Variants in NEK11 observed in about 807,000 individuals in gnomAD.
NEK11 encodes serine/threonine-protein kinase Nek11.
In NEK11, 72 loss-of-function variants were observed where a neutral mutation model predicts 80.7. The ratio of observed to expected loss-of-function variants is 0.89; its 90% confidence interval spans 0.74 to 1.08. The LOEUF (loss-of-function observed/expected upper bound fraction) is 1.08. NEK11 is among the 50% of genes least tolerant of loss of function. The probability of loss-of-function intolerance (pLI) is 0.00; values close to 1 mark genes in which losing one functional copy is unlikely to be tolerated. For synonymous variants in NEK11, 251 were observed against 260.7 expected (o/e 0.96, Z 0.36); for missense variants, 764 against 763.6 (o/e 1.00, Z -0.01).
intron 7 of NEK11, chr3:131,134,406 A>T (rs2085123767): frequency 6.8e-6 from 1 of 147,632 alleles, no homozygotes; most frequent in Non-Finnish European, 1.5e-5. Flanking sequence ...AGGATAAACT[A>T]TTTTTTTTTT....
At chr3:131,058,265 A>G (rs936059205) in intron 3 of NEK11, among the ~76,000 whole-genome samples, 1 of 152,196 alleles carries the variant, frequency 6.6e-6, no homozygotes, top group Non-Finnish European at 1.5e-5. Flanking sequence ...TTTTGGTACC[A>G]GTACCATGCT....
chr3:131,136,933 A>G (rs59100174), intron 7 of NEK11, among the ~76,000 whole-genome samples: 32,315 of 152,154 alleles, frequency 0.21, 3,787 homozygotes, highest in African/African-American at 0.32. Flanking sequence ...TATTATTTGA[A>G]TAATGGTACT....
intron 14 of NEK11, among the ~76,000 whole-genome samples, chr3:131,195,020 C>T (rs946195318): frequency 2.0e-5 from 3 of 152,142 alleles, no homozygotes; most frequent in African/African-American, 4.8e-5. Flanking sequence ...CCTCCAGTTG[C>T]CCAACGCTGA....
At chr3:131,344,778 G>C (rs887284120) in intron 17 of NEK11, among the ~76,000 whole-genome samples, 6 of 152,116 alleles carry the variant, frequency 3.9e-5, no homozygotes, top group Admixed American at 3.3e-4. Context: ...AGAGAGTGGG[G>C]AGGGGAGAGG....
At chr3:131,246,106 AT>A (rs1351769738) in intron 16 of NEK11, among the ~76,000 whole-genome samples, 1 of 151,982 alleles carries the variant, frequency 6.6e-6, no homozygotes, top group East Asian at 1.9e-4. Context: ...AAACAAAAAA[AT>A]TTTTTTTATT....
chr3:131,257,402 G>C (rs2095836501), intron 16 of NEK11, among the ~76,000 whole-genome samples: 1 of 152,078 alleles, frequency 6.6e-6, no homozygotes, highest in African/African-American at 2.4e-5. Flanking sequence ...GCCAGGCTCT[G>C]TCTCACAAAG....
At chr3:131,160,665 A>G (rs549015327) in intron 10 of NEK11, among the ~76,000 whole-genome samples, 9 of 152,188 alleles carry the variant, frequency 5.9e-5, no homozygotes, top group Non-Finnish European at 1.3e-4. Context: ...GCCCAACTAT[A>G]TGCTGTCTTT....
chr3:131,261,534 G>A (rs1273268485), intron 16 of NEK11, among the ~76,000 whole-genome samples: 1 of 152,150 alleles, frequency 6.6e-6, no homozygotes, highest in Non-Finnish European at 1.5e-5. Context: ...CAGAATGTTA[G>A]AATTGAGGGA....
intron 17 of NEK11, among the ~76,000 whole-genome samples, chr3:131,286,203 A>C (rs544228243): frequency 6.6e-6 from 1 of 152,150 alleles, no homozygotes; most frequent in African/African-American, 2.4e-5. Flanking sequence ...CAAGCAAACA[A>C]TCCTAAAGCA....
At chr3:131,076,579 AAC>A (rs2148982180) in intron 3 of NEK11, among the ~76,000 whole-genome samples, 1 of 152,322 alleles carries the variant, frequency 6.6e-6, no homozygotes, top group Non-Finnish European at 1.5e-5. Flanking sequence ...TAAATAAAAA[AAC>A]ACAAAAGCAA....
In NEK11 at chr3:131,350,016, C is replaced by A. The variant is rs879247064; in HGVS notation, c.*240C>A. 3 of 477,362 alleles carry A rather than the reference C, an allele frequency of 6.3e-6. No individual in the cohort carries two copies. Among genetic ancestry groups the A allele is most frequent in the Middle Eastern group, 5.8e-4 (1 of 1,716 alleles). 29.6% of individuals were successfully genotyped at this position (477,362 alleles called of 1,614,324 possible). ...ATAAGCTTATAGATCAAGTTTGGCT[C>A]CCTTGAAAAGCATTTCTCTCATGTG... On this transcript the variant is annotated 3_prime_UTR_variant, in exon 18 of 18. Transcript: ENST00000383366.
At chr3:131,301,556 C>T (rs1313973254) in intron 17 of NEK11, among the ~76,000 whole-genome samples, 1 of 151,796 alleles carries the variant, frequency 6.6e-6, no homozygotes, top group Non-Finnish European at 1.5e-5. Context: ...CCTTCAATGC[C>T]TAGTTTGTTG....
chr3:131,249,185 A>G (rs2095657133), intron 16 of NEK11, among the ~76,000 whole-genome samples: 1 of 152,160 alleles, frequency 6.6e-6, no homozygotes, highest in South Asian at 2.1e-4. Flanking sequence ...GAACTTGAGA[A>G]AGATATAAAG....
At chr3:131,097,707 A>G (rs1462366950) in intron 4 of NEK11, among the ~76,000 whole-genome samples, 1 of 151,490 alleles carries the variant, frequency 6.6e-6, no homozygotes, top group Non-Finnish European at 1.5e-5. Flanking sequence ...GGAAGAATCA[A>G]TATCGTGAAA....
intron 17 of NEK11, among the ~76,000 whole-genome samples, chr3:131,287,200 G>C (rs560590549): frequency 1.3e-5 from 2 of 152,318 alleles, no homozygotes; most frequent in South Asian, 4.1e-4. Context: ...CAGAACAAGA[G>C]GTAAGGGTGT....
chr3:131,156,694 TG>T (rs2090697332), intron 10 of NEK11, among the ~76,000 whole-genome samples: 1 of 152,208 alleles, frequency 6.6e-6, no homozygotes, highest in African/African-American at 2.4e-5. Context: ...TGTATTACTT[TG>T]GACAAGTTAC....
chr3:131,202,719 AC>A (rs766143529), intron 14 of NEK11, among the ~76,000 whole-genome samples: 4 of 152,212 alleles, frequency 2.6e-5, no homozygotes, highest in Non-Finnish European at 5.9e-5. Context: ...AAGAACTTAA[AC>A]AAATTTACGA....
At chr3:131,029,000 G>A (rs897131544) in intron 2 of NEK11, among the ~76,000 whole-genome samples, 1 of 152,218 alleles carries the variant, frequency 6.6e-6, no homozygotes, top group Non-Finnish European at 1.5e-5. Context: ...AATCCAGAGA[G>A]ATTATACACA....
At chr3:131,337,912 T>TA (rs1191047893) in intron 17 of NEK11, among the ~76,000 whole-genome samples, 2 of 152,142 alleles carry the variant, frequency 1.3e-5, no homozygotes, top group Admixed American at 6.5e-5. Flanking sequence ...AATAACACAT[T>TA]AAAAAATAGA....
Sources: allele counts gnomAD v4.1 joint callset (sites outside exome capture counted in the v4.1 genomes callset), GRCh38; gene constraint gnomAD v4.1.1; transcripts MANE v1.5; gene names NCBI Gene and HGNC (gene_info 2026-07-23, HGNC 2026-07-21).